FBXO3: variants seen among roughly 807,000 people sequenced by gnomAD.
The protein encoded by FBXO3 is F-box protein 3.
A neutral mutation model predicts 64.8 loss-of-function variants in FBXO3; 17 were observed. That is an observed-to-expected ratio of 0.26 (90% CI 0.18 to 0.39). The LOEUF is 0.39. Ranked by LOEUF, FBXO3 falls within the 10% of genes least tolerant of loss-of-function variation. The pLI, the probability that FBXO3 is intolerant of heterozygous loss-of-function variation, is 1.00. For missense variants in FBXO3, 420 were observed against 589.9 expected (o/e 0.71, Z 2.98); for synonymous variants, 182 against 201.6 (o/e 0.90, Z 0.82).
intron 5 of FBXO3, among the ~76,000 whole-genome samples, chr11:33,754,984 G>C (rs1855059003): frequency 6.6e-6 from 1 of 151,152 alleles, no homozygotes; most frequent in African/African-American, 2.4e-5. Context: ...TCCTGCCTCA[G>C]CCTCCCCAAG....
chr11:33,763,323 C>T (rs1168951600), intron 3 of FBXO3: 1 of 434,638 alleles, frequency 2.3e-6, no homozygotes, highest in Non-Finnish European at 4.7e-6. Flanking sequence ...AATTACAGGC[C>T]AAACTCTCAT....
intron 10 of FBXO3, chr11:33,746,626 A>G: frequency 1.3e-6 from 1 of 743,382 alleles, no homozygotes; most frequent in South Asian, 1.5e-5. Flanking sequence ...CTAAGGTTGG[A>G]GTTACTGTTA....
intron 1 of FBXO3, chr11:33,771,945 T>A (rs1379358548): frequency 6.6e-6 from 1 of 152,244 alleles, no homozygotes; most frequent in Non-Finnish European, 1.5e-5. Flanking sequence ...ACTACTGTTC[T>A]AGAGATTCTG....
intron 8 of FBXO3, among the ~76,000 whole-genome samples, chr11:33,749,825 C>T (rs936228165): frequency 4.6e-5 from 7 of 152,066 alleles, no homozygotes; most frequent in African/African-American, 7.2e-5. Context: ...AACAAGTAAA[C>T]GACAAATATC....
chr11:33,764,345 G>A (rs1194466488), intron 3 of FBXO3, among the ~76,000 whole-genome samples: 2 of 152,180 alleles, frequency 1.3e-5, no homozygotes, highest in Non-Finnish European at 2.9e-5. Context: ...AAGAGGGAAG[G>A]ACTATGAGGA....
intron 3 of FBXO3, among the ~76,000 whole-genome samples, chr11:33,760,308 A>G (rs1339161130): frequency 2.0e-5 from 3 of 152,294 alleles, no homozygotes; most frequent in Middle Eastern, 3.4e-3. Context: ...ATTACCTTCA[A>G]AAGAGAAACA....
chr11:33,751,536 C>T lies in FBXO3; in HGVS notation c.796G>A (p.Asp266Asn), dbSNP rs1854956805. The T allele has an allele frequency of 6.2e-7, 1 of 1,604,792 alleles. No homozygotes were observed. The highest frequency in any genetic ancestry group is 8.5e-7 in the Non-Finnish European group (1 of 1,176,078). ...AAAATAAAATACCTGAAAATTTGGTCTCTGATGATGGGGAAGCCACCTGAT... is the reference window on the plus strand; with the variant it reads ...AAAATAAAATACCTGAAAATTTGGTTTCTGATGATGGGGAAGCCACCTGAT... ...VVSGGFPIIR[D>N]QIFRYVHDPE... Residue 266 changes from aspartate to asparagine, a missense_variant, in exon 7 of 11, where the codon GAC becomes AAC. Asp to Asn is a conservative substitution (Grantham distance 23). Transcript: ENST00000265651.
chr11:33,747,069 T>C (rs1854830670), intron 10 of FBXO3, 61 bp downstream of exon 10: 1 of 1,584,324 alleles, frequency 6.3e-7, no homozygotes, highest in East Asian at 2.2e-5. Flanking sequence ...TTGCCTGGCT[T>C]ATCTGCAGTG....
intron 5 of FBXO3, 26 bp from the exon 6 acceptor site, chr11:33,754,526 A>AT: frequency 6.5e-7 from 1 of 1,542,516 alleles, no homozygotes; most frequent in Non-Finnish European, 8.7e-7. Flanking sequence ...AATACAATCG[A>AT]TAAAAACACA....
At chr11:33,752,488 T>G (rs975836118) in intron 6 of FBXO3, among the ~76,000 whole-genome samples, 3 of 152,206 alleles carry the variant, frequency 2.0e-5, no homozygotes, top group Non-Finnish European at 4.4e-5. Context: ...GCTAAATTTA[T>G]AGTGTTTACT....
intron 3 of FBXO3, among the ~76,000 whole-genome samples, chr11:33,765,884 C>T (rs1424869003): frequency 2.0e-5 from 3 of 152,114 alleles, no homozygotes; most frequent in Non-Finnish European, 4.4e-5. Context: ...GTAAAAGCTC[C>T]CTGAGGCCTC....
intron 3 of FBXO3, among the ~76,000 whole-genome samples, chr11:33,759,811 A>C (rs1855198823): frequency 6.6e-6 from 1 of 152,248 alleles, no homozygotes. Flanking sequence ...ACATTCAATG[A>C]ATTAAATGAA....
chr11:33,755,630 T>C, intron 5 of FBXO3, 141 bp downstream of exon 5: 1 of 663,540 alleles, frequency 1.5e-6, no homozygotes, highest in Non-Finnish European at 2.7e-6. Flanking sequence ...TGTCAGAATA[T>C]TAACTCTAGT....
chr11:33,767,392 C>A (rs7126362), intron 3 of FBXO3, among the ~76,000 whole-genome samples: 1 of 152,050 alleles, frequency 6.6e-6, no homozygotes, highest in Non-Finnish European at 1.5e-5. Context: ...CTCCGCTTGC[C>A]GGGTTCACGC....
chr11:33,764,518 TGAG>T (rs754453751), intron 3 of FBXO3, among the ~76,000 whole-genome samples: 44 of 151,964 alleles, frequency 2.9e-4, no homozygotes, highest in Admixed American at 7.2e-4. Context: ...GGATATAATG[TGAG>T]GAGAAGGGCA....
intron 2 of FBXO3, 76 bp downstream of exon 2, chr11:33,770,665 G>T: frequency 9.4e-7 from 1 of 1,066,172 alleles, no homozygotes; most frequent in Non-Finnish European, 1.4e-6. Flanking sequence ...GGTTAGAGAG[G>T]AGAATCAGGA....
At chr11:33,768,378 T>C (rs1351553918) in intron 3 of FBXO3, among the ~76,000 whole-genome samples, 5 of 152,178 alleles carry the variant, frequency 3.3e-5, no homozygotes, top group Non-Finnish European at 7.3e-5. Flanking sequence ...GATAAAAGTT[T>C]TCCTTACTCT....
chr11:33,770,909 T>C (rs1041078510), intron 1 of FBXO3, 79 bp from the exon 2 acceptor site: 1 of 1,141,714 alleles, frequency 8.8e-7, no homozygotes, highest in Non-Finnish European at 1.3e-6. Context: ...ATATTCATTG[T>C]TTTGTTTTAT....
intron 2 of FBXO3, among the ~76,000 whole-genome samples, chr11:33,769,233 T>C (rs868281664): frequency 6.6e-6 from 1 of 152,126 alleles, no homozygotes; most frequent in South Asian, 2.1e-4. Flanking sequence ...ATTTTCTCCT[T>C]TTCTTTCTAC....
Sources: gnomAD v4.1 joint callset for allele counts (sites outside exome capture counted in the v4.1 genomes callset) on GRCh38, gnomAD v4.1.1 for gene constraint, MANE v1.5 for transcripts, NCBI Gene and HGNC (gene_info 2026-07-23, HGNC 2026-07-21) for gene names.